The following DOCK6 variants were observed in gnomAD, a reference collection of about 807,000 sequenced individuals.
The protein encoded by DOCK6 is dedicator of cytokinesis protein 6.
A neutral mutation model predicts 230.3 loss-of-function variants in DOCK6; 167 were observed. The observed-to-expected ratio is 0.73, with a 90% confidence interval of 0.64 to 0.82. The LOEUF is 0.82. DOCK6 is among the 40% of genes least tolerant of loss of function. The probability of loss-of-function intolerance (pLI) is 0.00; values close to 1 mark genes in which losing one functional copy is unlikely to be tolerated. For synonymous variants in DOCK6, 1,148 were observed against 1,185.0 expected, an observed-to-expected ratio of 0.97 and a Z score of 0.64; for missense variants, 2,598 against 2,825.8, an observed-to-expected ratio of 0.92 and a Z score of 1.83.
chr19:11,215,599 C>G (rs2079472064), intron 31 of DOCK6, 128 bp from the exon 32 acceptor site: 2 of 1,281,034 alleles, frequency 1.6e-6, no homozygotes, highest in Non-Finnish European at 2.2e-6. Context: ...GGAGCAGAAG[C>G]CTGCCGGGTG....
chr19:11,251,908 A>C, intron 5 of DOCK6: 1 of 665,378 alleles, frequency 1.5e-6, no homozygotes. Context: ...TCCTAGGATG[A>C]AAGCAGAGGA....
rs559579754 is a variant in DOCK6, at chr19:11,234,219, C to T, written c.2555-853G>A. On this transcript the variant is annotated intron_variant, in intron 21 of 47. Transcript: ENST00000294618. ...TTCACCATGTTGGCCAGGATGGTCT[C>T]GATCTGTTGACCTTGTCATCTGCCT... Among the ~76,000 whole-genome samples, 130 of 151,680 alleles carry T rather than the reference C, an allele frequency of 8.6e-4. 1 individual carries two copies. Among genetic ancestry groups the T allele is most frequent in the African/African-American group, 2.9e-3 (122 of 41,376 alleles).
At chr19:11,205,731 T>G (rs1035214012) in intron 39 of DOCK6, 4 of 151,152 alleles carry the variant, frequency 2.6e-5, no homozygotes, top group African/African-American at 9.7e-5. Context: ...TGCCTCGGCC[T>G]CCAAAGTGCT....
chr19:11,213,717 C>T lies in DOCK6; in HGVS notation c.4339-389G>A, dbSNP rs145351307. ...CAGCTTTGAACTCCCAGGCTCAAGCCATCCTCCTGCCTCAGCCTCCCTAGT... is the reference window on the plus strand; with the variant it reads ...CAGCTTTGAACTCCCAGGCTCAAGCTATCCTCCTGCCTCAGCCTCCCTAGT... On this transcript the variant is annotated intron_variant, in intron 34 of 47. Coordinates refer to ENST00000294618, the MANE Select transcript of DOCK6 (RefSeq NM_020812.4). Among the ~76,000 whole-genome samples, 56 of 151,654 alleles carry T rather than the reference C, an allele frequency of 3.7e-4. No homozygotes were observed. In the East Asian group the frequency reaches 8.9e-3, roughly 24 times the overall value.
chr19:11,209,240 T>C (rs2079320763), intron 37 of DOCK6, 137 bp from the exon 38 acceptor site: 1 of 971,540 alleles, frequency 1.0e-6, no homozygotes, highest in Non-Finnish European at 1.5e-6. Flanking sequence ...CTGTACCCCA[T>C]CCCCTCACTC....
rs576291183 is a variant in DOCK6, at chr19:11,252,182, G to A, written c.444C>T (p.Gly148=). 2 of 1,583,556 alleles carry A rather than the reference G, an allele frequency of 1.3e-6. No individual in the cohort carries two copies. Among genetic ancestry groups the A allele is most frequent in the African/African-American group, 2.7e-5 (2 of 74,332 alleles). ...TTDTQRERQK[G]LPRQVFEQDA... The stretch of plus-strand genomic sequence containing the variant: ...CCTGCTCAAAGACCTGGCGGGGGAG[G>A]CCCTTCTGTCGCTCCCGCTGTGTGT... Residue 148 remains glycine, a synonymous_variant, in exon 5 of 48, where the codon GGC becomes GGT. Coordinates refer to ENST00000294618, the MANE Select transcript of DOCK6 (RefSeq NM_020812.4).
chr19:11,252,143 G>A lies in DOCK6; in HGVS notation c.483C>T (p.Asp161=), dbSNP rs572259115. 27 of 1,588,234 alleles carry A rather than the reference G, an allele frequency of 1.7e-5. No homozygotes were observed. Among genetic ancestry groups the A allele is most frequent in the South Asian group, 1.2e-4 (10 of 86,852 alleles). ...CCGAGTCCTCAGGGCCGGACCTCTCGTCTCCAGAAGCATCCTGCTCAAAGA... is the reference window on the plus strand; with the variant it reads ...CCGAGTCCTCAGGGCCGGACCTCTCATCTCCAGAAGCATCCTGCTCAAAGA... ...RQVFEQDASG[D]ERSGPEDSND... is the part of the protein sequence containing the mutation. The change falls in exon 5 of 48, where the codon GAC becomes GAT. Residue 161 remains aspartate (D), a synonymous_variant. Coordinates refer to ENST00000294618, the MANE Select transcript of DOCK6 (RefSeq NM_020812.4).
At chr19:11,260,359 C>G (rs1054406828) in intron 1 of DOCK6, among the ~76,000 whole-genome samples, 1 of 152,066 alleles carries the variant, frequency 6.6e-6, no homozygotes. Context: ...GCAGGAGGAT[C>G]ACTTGAGCCC....
chr19:11,230,703 A>G (rs1006562446), intron 22 of DOCK6, among the ~76,000 whole-genome samples: 1 of 152,076 alleles, frequency 6.6e-6, no homozygotes, highest in African/African-American at 2.4e-5. Flanking sequence ...AGGCAGGAAG[A>G]TAAGGACAGA....
rs765263137 is a variant in DOCK6 at position 11,248,171 on chromosome 19, G to C, written c.721-20C>G. On this transcript the variant is annotated intron_variant, in intron 6 of 47. Coordinates refer to ENST00000294618, the MANE Select transcript of DOCK6 (RefSeq NM_020812.4). ...TTCATCCTGCCAAGAGTGGGGGGTGGGAGCTGGGCGGGAGGAGCTGGGACA... is the reference window on the plus strand; with the variant it reads ...TTCATCCTGCCAAGAGTGGGGGGTGCGAGCTGGGCGGGAGGAGCTGGGACA... The C allele has an allele frequency of 3.4e-6, 5 of 1,458,764 alleles. No homozygotes were observed. In the African/African-American group the frequency reaches 6.8e-5, roughly 20 times the overall value. The allele number at this position is 1,458,764 out of a possible 1,614,324, so 90.4% of individuals were successfully genotyped here. A position where few individuals can be genotyped will look rare whatever the true frequency, so the allele number is the denominator to read the frequency against.
intron 32 of DOCK6, 66 bp downstream of exon 32, chr19:11,215,321 A>C: frequency 6.9e-7 from 1 of 1,455,524 alleles, no homozygotes. Flanking sequence ...TCCTGGACTC[A>C]AGCAATCCTC....
rs568356388 is a variant in DOCK6, at chr19:11,252,524, G to T, written c.335C>A (p.Ala112Glu). The T allele has an allele frequency of 6.2e-7, 1 of 1,613,676 alleles. No individual in the cohort carries two copies. Among genetic ancestry groups the T allele is most frequent in the African/African-American group, 1.3e-5 (1 of 74,884 alleles). Reference sequence around the variant, plus strand: ...CCAGTCCTCAATATACATCTCCACCGCGGCCCTCACCTGGGCATCCAGTTT... The same window carrying T: ...CCAGTCCTCAATATACATCTCCACCTCGGCCCTCACCTGGGCATCCAGTTT... ...DEKLDAQVRA[A>E]VEMYIEDWVI... The change falls in exon 4 of 48, where the codon GCG becomes GAG. Residue 112 changes from alanine (A) to glutamate (E), a missense_variant. By Grantham distance (107) the Ala-to-Glu change is moderately radical. Transcript: ENST00000294618.
Position 11,259,626 on chromosome 19 carries a change from C to T in DOCK6, c.44+2771G>A, listed in dbSNP as rs545074771. Among the ~76,000 whole-genome samples the T allele has an allele frequency of 6.4e-3, 835 of 129,572 alleles. 7 individuals are homozygous for T. Among genetic ancestry groups the T allele is most frequent in the Non-Finnish European group, 0.01 (652 of 63,572 alleles). 85.0% of individuals were successfully genotyped at this position (129,572 alleles called of 152,430 possible). A position where few individuals can be genotyped will look rare whatever the true frequency, so the allele number is the denominator to read the frequency against. On this transcript the variant is annotated intron_variant, in intron 1 of 47. Transcript: ENST00000294618. ...AGGCTGGAGTGCAGTGGCGGGATCT[C>T]GGCTCACTGCAACCTCTACCTCCCA...
In DOCK6 at chr19:11,222,783, CA is replaced by C. The variant is rs891568939; in HGVS notation, c.3191del (p.Leu1064ArgfsTer30). 4 of 1,583,990 alleles carry C rather than the reference CA, an allele frequency of 2.5e-6. No homozygotes were observed. Among genetic ancestry groups the C allele is most frequent in the African/African-American group, 1.3e-5 (1 of 74,446 alleles). On this transcript the variant is annotated frameshift_variant, in exon 26 of 48. Transcript: ENST00000294618. LOFTEE classifies it high-confidence loss of function. The surrounding 1 kb of genome is among the most constrained non-coding windows in gnomAD (Gnocchi z 4.0). The stretch of plus-strand genomic sequence containing the variant: ...AGGGGGAGGGCGAGGCTGGAGGTGA[CA>C]GGGGGCAGCAGGGGAGGTTGAGGGT... ...YVTLNLPCCP[L>X]SPPASPSPSV...
chr19:11,235,833 G>C, intron 20 of DOCK6, 74 bp from the exon 21 acceptor site: 2 of 1,475,666 alleles, frequency 1.4e-6, no homozygotes, highest in Admixed American at 2.2e-5. Context: ...CAAATATAAA[G>C]ACATCAGGAT....
Position 11,223,075 on chromosome 19 carries a change from C to A in DOCK6, c.2987G>T (p.Ser996Ile), listed in dbSNP as rs1488924069. 7.4e-6 allele frequency: 12 copies of A among 1,613,714 alleles called. No individual in the cohort carries two copies. The highest frequency in any genetic ancestry group is 1.0e-5 in the Non-Finnish European group (12 of 1,179,868). ...AAGGTCACTGAGGAAGAAAGCCAGGCTGGCGTTGAGGTGCTCGGCCAGCTC... is the reference window on the plus strand; with the variant it reads ...AAGGTCACTGAGGAAGAAAGCCAGGATGGCGTTGAGGTGCTCGGCCAGCTC... ...DVELAEHLNA[S>I]LAFFLSDLLS... Residue 996 changes from serine to isoleucine, a missense_variant, in exon 25 of 48, where the codon AGC becomes ATC. Physicochemically the swap from Ser to Ile is moderately radical, Grantham distance 142. Coordinates refer to ENST00000294618, the MANE Select transcript of DOCK6 (RefSeq NM_020812.4).
Position 11,237,695 on chromosome 19 carries a change from A to G in DOCK6, c.1917T>C (p.His639=). The G allele has an allele frequency of 6.3e-7, 1 of 1,593,908 alleles. No homozygotes were observed. Among genetic ancestry groups the G allele is most frequent in the Non-Finnish European group, 8.5e-7 (1 of 1,170,822 alleles). Residue 639 remains histidine (H), a synonymous_variant, in exon 17 of 48, where the codon CAT becomes CAC. Transcript: ENST00000294618. ...ENHHLLFTFY[H]VSCQPRPGTA... ...TGCCCGGCCGGGGCTGGCAGCTGAC[A>G]TGGTAGAAGGTGAACAGCAGGTGAT...
At position 11,199,556 on chromosome 19, in the gene DOCK6, G is replaced by C; in HGVS notation, c.6102-17C>G. On this transcript the variant is annotated splice_polypyrimidine_tract_variant and intron_variant, in intron 47 of 47. Coordinates refer to ENST00000294618, the MANE Select transcript of DOCK6 (RefSeq NM_020812.4). ...AAGGAGTTCCTGGAAAAAGAATGAG[G>C]GTGGGTCAGCATGGCCATGGGGCCC... 6.4e-7 allele frequency: 1 copy of C among 1,570,658 alleles called. No individual in the cohort carries two copies. The highest frequency in any genetic ancestry group is 8.6e-7 in the Non-Finnish European group (1 of 1,157,806).
chr19:11,246,183 C>T (rs920751506), intron 7 of DOCK6, among the ~76,000 whole-genome samples: 8 of 151,682 alleles, frequency 5.3e-5, no homozygotes, highest in Non-Finnish European at 8.8e-5. Context: ...TCTCCTGCCT[C>T]AGCCTCCTGA....
Sources: gnomAD v4.1 joint callset for allele counts (sites outside exome capture counted in the v4.1 genomes callset) on GRCh38, gnomAD v4.1.1 for gene constraint, Gnocchi (gnomAD v3.1) non-coding constraint, MANE v1.5 for transcripts, NCBI Gene and HGNC (gene_info 2026-07-23, HGNC 2026-07-21) for gene names.